WNK4: variants seen among roughly 807,000 people sequenced by gnomAD.
WNK4 encodes the protein serine/threonine-protein kinase WNK4.
A neutral mutation model predicts 116.2 loss-of-function variants in WNK4; 94 were observed. That is an observed-to-expected ratio of 0.81 (90% confidence interval 0.68 to 0.96). WNK4 has a LOEUF of 0.96. WNK4 is among the 40% of genes least tolerant of loss of function. The probability of loss-of-function intolerance (pLI) is 0.00; values close to 1 mark genes in which losing one functional copy is unlikely to be tolerated. For synonymous variants in WNK4, 655 were observed against 672.7 expected (o/e 0.97, Z 0.41); for missense variants, 1,542 against 1,650.6 (o/e 0.93, Z 1.14).
At position 42,784,586 on chromosome 17, in the gene WNK4, G is replaced by T. The variant is rs1015086802; in HGVS notation, c.1170+7G>T. On this transcript the variant is annotated splice_region_variant and intron_variant, in intron 4 of 18. Coordinates refer to ENST00000246914, the MANE Select transcript of WNK4 (RefSeq NM_032387.5). This position sits in a 1 kb window ranked among gnomAD's most constrained non-coding sequence, Gnocchi z 4.4. ...CTACCGCAAGGTCACTTCGGTGAGA[G>T]GGATGGGGCTGGCGGGAAAGGCAAT... 1.2e-6 allele frequency: 2 copies of T among 1,614,108 alleles called. No individual in the cohort carries two copies. Among genetic ancestry groups the T allele is most frequent in the South Asian group, 1.1e-5 (1 of 91,072 alleles).
rs1281539206 is a variant in WNK4 at position 42,785,280 on chromosome 17, A to T, written c.1274A>T (p.Asp425Val). ...GTCACCCTCAGGTTCACCATCCAGGACCTCCTGGCCCACGCCTTCTTCCGC... is the reference window on the plus strand; with the variant it reads ...GTCACCCTCAGGTTCACCATCCAGGTCCTCCTGGCCCACGCCTTCTTCCGC... Reference protein sequence around the residue: ...TDKNERFTIQDLLAHAFFREE... With the variant: ...TDKNERFTIQVLLAHAFFREE... Residue 425 changes from aspartate to valine, a missense_variant, in exon 6 of 19, where the codon GAC (aspartate) becomes GTC (valine). By Grantham distance (152) the Asp-to-Val change is radical (BLOSUM62 -3). Transcript: ENST00000246914. 1 of 1,610,630 alleles carries T rather than the reference A, an allele frequency of 6.2e-7. No homozygotes were observed.
At chr17:42,790,545 G>A (rs1022087782) in intron 11 of WNK4, among the ~76,000 whole-genome samples, 1 of 152,040 alleles carries the variant, frequency 6.6e-6, no homozygotes, top group African/African-American at 2.4e-5. Context: ...GAAGGGAGAT[G>A]AGCCGGCAAA....
rs1237436651 is a variant in WNK4, at chr17:42,782,458, G to T, written c.619-300G>T. On this transcript the variant is annotated intron_variant, in intron 1 of 18. Transcript: ENST00000246914. This position sits in a 1 kb window ranked among gnomAD's most constrained non-coding sequence, Gnocchi z 4.2. ...CCCTCCCGCCCCATGGCCGGCCTGG[G>T]CAGCCACAAAGGCACTATTGAGCTC... 1.3e-5 allele frequency among the ~76,000 whole-genome samples: 2 copies of T among 152,232 alleles called. No homozygotes were observed. The highest frequency in any genetic ancestry group is 2.9e-5 in the Non-Finnish European group (2 of 68,032).
At chr17:42,783,230 C>A (rs1049328014) in intron 2 of WNK4, among the ~76,000 whole-genome samples, 1 of 152,182 alleles carries the variant, frequency 6.6e-6, no homozygotes, top group Non-Finnish European at 1.5e-5. Context: ...CATGCCACCA[C>A]CTCAATGCCA....
chr17:42,796,184 A>G lies in WNK4; in HGVS notation c.3493A>G (p.Ser1165Gly), dbSNP rs2054668861. Residue 1165 changes from serine (S) to glycine (G), a missense_variant, in exon 17 of 19, where the codon AGC becomes GGC. Around this residue, in one of 7 missense-constraint regions of WNK4, gnomAD observed 148 missense variants for 157.2 expected, o/e 0.94. Coordinates refer to ENST00000246914, the MANE Select transcript of WNK4 (RefSeq NM_032387.5). ...LQKKEIEDLY[S>G]RLGKQPPPGI... The stretch of plus-strand genomic sequence containing the variant: ...GAAAAAAGAAATTGAAGATTTGTAC[A>G]GCCGGCTGGGGAAGCAGCCCCCACC... 1 of 1,614,016 alleles carries G rather than the reference A, an allele frequency of 6.2e-7. No individual in the cohort carries two copies. Among genetic ancestry groups the G allele is most frequent in the Non-Finnish European group, 8.5e-7 (1 of 1,180,026 alleles).
chr17:42,783,589 A>C, intron 2 of WNK4: 1 of 360,616 alleles, frequency 2.8e-6, no homozygotes, highest in Non-Finnish European at 5.2e-6. Context: ...TCCCCCTTTC[A>C]CCTTTGAGCT....
At chr17:42,781,780 G>A (rs1468183259) in intron 1 of WNK4, among the ~76,000 whole-genome samples, 5 of 152,112 alleles carry the variant, frequency 3.3e-5, no homozygotes, top group Non-Finnish European at 7.4e-5. Flanking sequence ...GCTGGGCAAG[G>A]GTCATCTCCA....
chr17:42,784,254 A>C lies in WNK4; in HGVS notation c.1012+97A>C. The C allele has an allele frequency of 1.3e-6, 2 of 1,566,424 alleles. No individual in the cohort carries two copies. Among genetic ancestry groups the C allele is most frequent in the South Asian group, 2.2e-5 (2 of 89,738 alleles). On this transcript the variant is annotated intron_variant, in intron 3 of 18. Coordinates refer to ENST00000246914, the MANE Select transcript of WNK4 (RefSeq NM_032387.5). This position sits in a 1 kb window ranked among gnomAD's most constrained non-coding sequence, Gnocchi z 4.4. ...CCCTCAGCAAGGGCCTTCAAGGTCCACAAAACTACCAGACGACAGGGAAGC... is the reference window on the plus strand; with the variant it reads ...CCCTCAGCAAGGGCCTTCAAGGTCCCCAAAACTACCAGACGACAGGGAAGC...
intron 14 of WNK4, 21 bp downstream of exon 14, chr17:42,795,403 G>A (rs1445903606): frequency 6.2e-7 from 1 of 1,614,098 alleles, no homozygotes; most frequent in East Asian, 2.2e-5. Flanking sequence ...AACCAAGAGG[G>A]ATGATTAGGG....
Position 42,788,407 on chromosome 17 carries a change from T to C in WNK4, c.2040T>C (p.Ser680=), listed in dbSNP as rs1405186914. Reference sequence around the variant, plus strand: ...CCCGATCCCGGCTGCGGGTCACTAGTGTAAGGATGGAGTACAGGAGATAGA... The same window carrying C: ...CCCGATCCCGGCTGCGGGTCACTAGCGTAAGGATGGAGTACAGGAGATAGA... The part of the protein sequence containing the change: ...RRPRSRLRVT[S]VSDQNDRVVE... The change falls in exon 10 of 19, where the codon AGT becomes AGC. Residue 680 remains serine (S), a splice_region_variant and synonymous_variant. Transcript: ENST00000246914. 8 of 1,611,766 alleles carry C rather than the reference T, an allele frequency of 5.0e-6. No individual in the cohort carries two copies. Among genetic ancestry groups the C allele is most frequent in the African/African-American group, 1.3e-5 (1 of 74,716 alleles).
intron 11 of WNK4, among the ~76,000 whole-genome samples, chr17:42,791,263 T>C (rs2054603564): frequency 1.3e-5 from 2 of 152,212 alleles, no homozygotes; most frequent in South Asian, 4.1e-4. Context: ...TAGTGGCTAC[T>C]TGTGGTTGTA....
Position 42,795,801 on chromosome 17 carries a change from A to AG in WNK4, c.3202dup (p.Glu1068GlyfsTer5). ...CAGTGCTGGAGGCGGGCCAGAGACC[A>AG]GGGAAGCTCTGGCTGAGAGCGACCG... On this transcript the variant is annotated frameshift_variant, in exon 16 of 19. Transcript: ENST00000246914. LOFTEE classifies it high-confidence loss of function. The AG allele has an allele frequency of 6.2e-7, 1 of 1,613,864 alleles. No homozygotes were observed. Among genetic ancestry groups the AG allele is most frequent in the Non-Finnish European group, 8.5e-7 (1 of 1,180,020 alleles).
intron 11 of WNK4, among the ~76,000 whole-genome samples, chr17:42,789,834 A>G (rs182876960): frequency 1.1e-4 from 16 of 151,716 alleles, no homozygotes; most frequent in African/African-American, 3.6e-4. Context: ...ATGAGACCCT[A>G]TCTCTACAAA....
chr17:42,795,538 C>T lies in WNK4; in HGVS notation c.3022+17C>T. 6.2e-7 allele frequency: 1 copy of T among 1,614,254 alleles called. No homozygotes were observed. The highest frequency in any genetic ancestry group is 8.5e-7 in the Non-Finnish European group (1 of 1,180,044). ...TCTCTGAAGGTAAGGCCTCTGACCA[C>T]TGACCTTCCCCTGCCATTATCCCTA... On this transcript the variant is annotated intron_variant, in intron 15 of 18. Coordinates refer to ENST00000246914, the MANE Select transcript of WNK4 (RefSeq NM_032387.5).
Position 42,787,349 on chromosome 17 carries a change from C to T in WNK4, c.1548C>T (p.Ala516=), listed in dbSNP as rs1267955000. 1.9e-6 allele frequency: 3 copies of T among 1,614,036 alleles called. No homozygotes were observed. The highest frequency in any genetic ancestry group is 1.7e-6 in the Non-Finnish European group (2 of 1,180,034). ...VARAVRERVA[A]IQRKREKLRK... ...GTGCAGTACGTGAACGGGTTGCTGC[C>T]ATCCAGCGAAAGCGTGAGAAGCTGC... Residue 516 remains alanine (A), a synonymous_variant, in exon 7 of 19, where the codon GCC becomes GCT. Transcript: ENST00000246914.
At chr17:42,793,826 C>A in intron 12 of WNK4, 97 bp downstream of exon 12, 2 of 1,474,882 alleles carry the variant, frequency 1.4e-6, no homozygotes, top group Non-Finnish European at 9.4e-7. Context: ...TTTAACTCCT[C>A]TTCATCTCTG....
intron 2 of WNK4, chr17:42,783,613 C>G: frequency 2.4e-6 from 1 of 422,496 alleles, no homozygotes; most frequent in South Asian, 2.4e-5. Context: ...ACTCATCATT[C>G]AAGATGCAAC....
intron 10 of WNK4, 121 bp downstream of exon 10, chr17:42,788,528 C>T (rs773390738): frequency 1.8e-5 from 22 of 1,210,674 alleles, no homozygotes; most frequent in Admixed American, 1.0e-4. Flanking sequence ...ACTCAAGAGG[C>T]GGCCAGTCTG....
chr17:42,788,598 T>C, intron 10 of WNK4, 83 bp from the exon 11 acceptor site: 1 of 1,269,892 alleles, frequency 7.9e-7, no homozygotes, highest in Admixed American at 1.7e-5. Context: ...TTGTGGCTGC[T>C]GTCACTTGGC....
Sources: allele counts gnomAD v4.1 joint callset (sites outside exome capture counted in the v4.1 genomes callset), GRCh38; gene constraint gnomAD v4.1.1; regional missense constraint gnomAD v4.1.1; non-coding constraint Gnocchi (gnomAD v3.1); transcripts MANE v1.5; gene names NCBI Gene and HGNC (gene_info 2026-07-23, HGNC 2026-07-21).